The following DNAH17 variants were observed in gnomAD, a reference collection of about 807,000 sequenced individuals.
DNAH17 encodes axonemal beta dynein heavy chain 17.
DNAH17 carries 376 observed loss-of-function variants against 485.6 expected under a neutral mutation model. The ratio of observed to expected loss-of-function variants is 0.77; its 90% CI spans 0.71 to 0.84. DNAH17 has a LOEUF of 0.84. Ranked by LOEUF, DNAH17 falls within the 40% of genes least tolerant of loss-of-function variation. The pLI is 0.00. For synonymous variants in DNAH17, 3,031 were observed against 2,405.9 expected, an observed-to-expected ratio of 1.26 and a Z score of -7.60; for missense variants, 6,370 against 5,839.3, an observed-to-expected ratio of 1.09 and a Z score of -2.96.
intron 42 of DNAH17, 58 bp from the exon 43 acceptor site, chr17:78,491,628 C>A: frequency 6.4e-7 from 1 of 1,574,628 alleles, no homozygotes; most frequent in East Asian, 2.3e-5. Flanking sequence ...TTCCAGTCCC[C>A]ACCAGTCCTG....
At position 78,543,283 on chromosome 17, in the gene DNAH17, TTTTG is replaced by T. The variant is rs1473846348; in HGVS notation, c.2532+570_2532+573del. Among the ~76,000 whole-genome samples, 5 of 56,956 alleles carry T rather than the reference TTTTG, an allele frequency of 8.8e-5. No individual in the cohort carries two copies. In the Admixed American group the frequency reaches 8.9e-4, roughly 10 times the overall value. The allele number at this position is 56,956 out of a possible 152,430, so 37.4% of individuals were successfully genotyped here. The stretch of plus-strand genomic sequence containing the variant: ...GCATGTGCCAACGTGCCCGGTTAAT[TTTTG>T]TTTTTTTTTTTTTTGAGACGGAGTC... On this transcript the variant is annotated intron_variant, in intron 17 of 80. Coordinates refer to ENST00000389840, the MANE Select transcript of DNAH17 (RefSeq NM_173628.4).
intron 75 of DNAH17, among the ~76,000 whole-genome samples, chr17:78,430,326 T>G (rs2086629363): frequency 6.6e-6 from 1 of 151,300 alleles, no homozygotes; most frequent in South Asian, 2.1e-4. Flanking sequence ...ATAAGATAAT[T>G]GATTCTTTTT....
chr17:78,560,838 C>A lies in DNAH17; in HGVS notation c.1933G>T (p.Val645Leu), dbSNP rs756120148. The change falls in exon 13 of 81, where the codon GTG becomes TTG. Residue 645 changes from valine (V) to leucine (L), a missense_variant. Val to Leu is a conservative substitution (Grantham distance 32, BLOSUM62 1). Transcript: ENST00000389840. ...TGGCAGTCCTGGTCCACGCCCGCCA[C>A]CCACTGCTGGTAGATCTTCTCGCGG... is the stretch of plus-strand genomic sequence containing the variant. The part of the protein sequence containing the change: ...CHREKIYQQW[V>L]AGVDQDCHFN... 13 of 1,551,864 alleles carry A rather than the reference C, an allele frequency of 8.4e-6. No homozygotes were observed. The highest frequency in any genetic ancestry group is 1.4e-5 in the African/African-American group (1 of 73,170).
intron 60 of DNAH17, among the ~76,000 whole-genome samples, 184 bp downstream of exon 60, chr17:78,459,600 G>A (rs940087311): frequency 3.9e-5 from 6 of 152,238 alleles, no homozygotes; most frequent in Admixed American, 3.3e-4. Flanking sequence ...CAGACCTGTA[G>A]CCTGAAGGTT....
Position 78,458,614 on chromosome 17 carries a change from A to G in DNAH17, c.9928T>C (p.Cys3310Arg). The change falls in exon 62 of 81, where the codon TGT (cysteine) becomes CGT (arginine). Residue 3310 changes from cysteine to arginine, a missense_variant. By Grantham distance (180) the Cys-to-Arg change is radical. Transcript: ENST00000389840. ...FEKATAEKIKCQQEADATNRV... is the reference protein window; with the variant it reads ...FEKATAEKIKRQQEADATNRV... ...TTCGTGGCATCGGCCTCTTGCTGAC[A>G]CTTGATTTTCTCAGCTGTTGCTTTT... 6.2e-7 allele frequency: 1 copy of G among 1,613,932 alleles called. No individual in the cohort carries two copies. Among genetic ancestry groups the G allele is most frequent in the Non-Finnish European group, 8.5e-7 (1 of 1,179,866 alleles).
rs2086292806 is a variant in DNAH17 at position 78,424,261 on chromosome 17, C to G, written c.13142-108G>C. 7.2e-6 allele frequency: 10 copies of G among 1,396,116 alleles called. No homozygotes were observed. In the South Asian group the frequency reaches 8.6e-5, roughly 12 times the overall value. 86.5% of individuals were successfully genotyped at this position (1,396,116 alleles called of 1,614,324 possible). A position where few individuals can be genotyped will look rare whatever the true frequency, so the allele number is the denominator to read the frequency against. ...TCCCCGCCCTCTGCAGAGCTGGGCT[C>G]TACCCCAAAAGGCTTCAGGCCAGCT... On this transcript the variant is annotated intron_variant, in intron 80 of 80. Transcript: ENST00000389840.
chr17:78,466,779 C>A lies in DNAH17; in HGVS notation c.8816G>T (p.Arg2939Leu), dbSNP rs183360072. 1.2e-6 allele frequency: 2 copies of A among 1,605,006 alleles called. No individual in the cohort carries two copies. Among genetic ancestry groups the A allele is most frequent in the East Asian group, 2.3e-5 (1 of 44,064 alleles). The change falls in exon 56 of 81, where the codon CGG becomes CTG. Residue 2939 changes from arginine to leucine, a missense_variant. Coordinates refer to ENST00000389840, the MANE Select transcript of DNAH17 (RefSeq NM_173628.4). ...LCFSPVGSVLRVRARKFPAVV... is the reference protein window; with the variant it reads ...LCFSPVGSVLLVRARKFPAVV... Reference sequence around the variant, plus strand: ...AGCTGGGAACTTTCTGGCTCGTACCCGCAGCACGGAGCCCACAGGGGAGAA... The same window carrying A: ...AGCTGGGAACTTTCTGGCTCGTACCAGCAGCACGGAGCCCACAGGGGAGAA...
In DNAH17 at chr17:78,571,769, G is replaced by C; in HGVS notation, c.553C>G (p.Leu185Val). 6.3e-7 allele frequency: 1 copy of C among 1,591,816 alleles called. No homozygotes were observed. The highest frequency in any genetic ancestry group is 2.2e-5 in the East Asian group (1 of 44,738). ...LESMERIPSSLDNLLLHAIET... is the reference protein window; with the variant it reads ...LESMERIPSSVDNLLLHAIET... Reference sequence around the variant, plus strand: ...ATGGCGTGCAGGAGCAAGTTGTCCAGTGAAGAGGGGATCCTGCCCAGTGGA... The same window carrying C: ...ATGGCGTGCAGGAGCAAGTTGTCCACTGAAGAGGGGATCCTGCCCAGTGGA... The change falls in exon 4 of 81, where the codon CTG (leucine) becomes GTG (valine). Residue 185 changes from leucine to valine, a missense_variant. Coordinates refer to ENST00000389840, the MANE Select transcript of DNAH17 (RefSeq NM_173628.4).
intron 75 of DNAH17, among the ~76,000 whole-genome samples, chr17:78,432,067 T>C (rs1208119680): frequency 2.0e-5 from 3 of 151,854 alleles, no homozygotes; most frequent in African/African-American, 7.3e-5. Flanking sequence ...TAGTCCCAGC[T>C]ACTTGAGAGG....
chr17:78,501,256 TC>T lies in DNAH17; in HGVS notation c.5410del (p.Asp1804MetfsTer30). On this transcript the variant is annotated frameshift_variant, in exon 35 of 81. Transcript: ENST00000389840. LOFTEE classifies it high-confidence loss of function. Reference protein sequence around the residue: ...EKRHCFANICDAQIQYSYEYL... With the variant: ...EKRHCFANICXAQIQYSYEYL... ...CTCATAGGAATACTGGATTTGGGCATCGCAGATGTTGGCAAAGCAGTGTCGC... is the reference window on the plus strand; with the variant it reads ...CTCATAGGAATACTGGATTTGGGCATGCAGATGTTGGCAAAGCAGTGTCGC... The T allele has an allele frequency of 6.2e-7, 1 of 1,609,252 alleles. No homozygotes were observed. Among genetic ancestry groups the T allele is most frequent in the Non-Finnish European group, 8.5e-7 (1 of 1,176,028 alleles).
Position 78,445,548 on chromosome 17 carries a change from AAAG to A in DNAH17, c.11334+7_11334+9del. Reference sequence around the variant, plus strand: ...AGAAAGCACAACGTGTTCAACGTCTAAAGACGAACCTTGATCCCGCCCCAGCCT... The same window carrying A: ...AGAAAGCACAACGTGTTCAACGTCTAACGAACCTTGATCCCGCCCCAGCCT... On this transcript the variant is annotated splice_region_variant and intron_variant, in intron 70 of 80. Coordinates refer to ENST00000389840, the MANE Select transcript of DNAH17 (RefSeq NM_173628.4). The A allele has an allele frequency of 6.4e-7, 1 of 1,560,566 alleles. No homozygotes were observed. The highest frequency in any genetic ancestry group is 8.7e-7 in the Non-Finnish European group (1 of 1,151,902).
Position 78,451,653 on chromosome 17 carries a change from T to C in DNAH17, c.10550A>G (p.Lys3517Arg), listed in dbSNP as rs766148995. 1 of 1,579,130 alleles carries C rather than the reference T, an allele frequency of 6.3e-7. No individual in the cohort carries two copies. Among genetic ancestry groups the C allele is most frequent in the Non-Finnish European group, 8.6e-7 (1 of 1,162,570 alleles). Reference protein sequence around the residue: ...KKGKYIKIGDKEVEYHPKFRL... With the variant: ...KKGKYIKIGDREVEYHPKFRL... ...GAACTTGGGGTGGTACTCCACCTCCTTGTCACCGATCTTAATGTACCTGGC... is the reference window on the plus strand; with the variant it reads ...GAACTTGGGGTGGTACTCCACCTCCCTGTCACCGATCTTAATGTACCTGGC... Residue 3517 changes from lysine (K) to arginine (R), a missense_variant, in exon 66 of 81, where the codon AAG becomes AGG. Coordinates refer to ENST00000389840, the MANE Select transcript of DNAH17 (RefSeq NM_173628.4).
intron 17 of DNAH17, chr17:78,543,650 C>T (rs748692004): frequency 4.3e-4 from 307 of 713,370 alleles, no homozygotes; most frequent in Non-Finnish European, 6.2e-4. Flanking sequence ...GTCTCGATCT[C>T]CTGACATTAG....
At chr17:78,509,838 C>T (rs1340787900) in intron 27 of DNAH17, among the ~76,000 whole-genome samples, 1 of 152,186 alleles carries the variant, frequency 6.6e-6, no homozygotes, top group Non-Finnish European at 1.5e-5. Context: ...CAAACTATTG[C>T]ATGTACGGGG....
chr17:78,570,927 G>A lies in DNAH17; in HGVS notation c.918+21C>T, dbSNP rs115432561. On this transcript the variant is annotated intron_variant, in intron 6 of 80. Transcript: ENST00000389840. ...AAACAAGACCCTCCCCACCAAAGCC[G>A]GCTCTCCCTTGCCTGCGCACCATCG... is the stretch of plus-strand genomic sequence containing the variant. The A allele has an allele frequency of 1.4e-4, 217 of 1,538,208 alleles. No individual in the cohort carries two copies. The African/African-American group carries it at 2.0e-3, about 14-fold the overall frequency.
At chr17:78,501,518 G>T in intron 34 of DNAH17, 174 bp from the exon 35 acceptor site, 3 of 984,182 alleles carry the variant, frequency 3.0e-6, no homozygotes, top group East Asian at 5.3e-5. Flanking sequence ...GTGGAATCTC[G>T]CTACAGAATG....
intron 57 of DNAH17, among the ~76,000 whole-genome samples, chr17:78,462,308 G>C (rs988230168): frequency 6.6e-6 from 1 of 152,014 alleles, no homozygotes; most frequent in African/African-American, 2.4e-5. Context: ...AAGCAAGTGG[G>C]AGGTCCCAGT....
At chr17:78,484,655 T>C in intron 48 of DNAH17, 2 of 363,876 alleles carry the variant, frequency 5.5e-6, no homozygotes, top group East Asian at 9.7e-5. Flanking sequence ...ACCTCTCCCC[T>C]ACCCTGGCCC....
At chr17:78,438,429 AGGAGGAGGAGGAGGAG>A (rs2086929299) in intron 73 of DNAH17, among the ~76,000 whole-genome samples, 3 of 4,964 alleles carry the variant, frequency 6.0e-4, no homozygotes, top group African/African-American at 1.4e-3. Context: ...GAGGAGAAGG[AGGAGGAGGAGGAGGAG>A]GGAGGAGGGA....
Sources: gnomAD v4.1 joint callset for allele counts (sites outside exome capture counted in the v4.1 genomes callset) on GRCh38, gnomAD v4.1.1 for gene constraint, MANE v1.5 for transcripts, NCBI Gene and HGNC (gene_info 2026-07-23, HGNC 2026-07-21) for gene names.